SPAG16: variants seen among roughly 807,000 people sequenced by gnomAD.
The protein encoded by SPAG16 is sperm-associated antigen 16 protein.
A neutral mutation model predicts 80.4 loss-of-function variants in SPAG16; 86 were observed. The ratio of observed to expected loss-of-function variants is 1.07; its 90% CI spans 0.90 to 1.28. The LOEUF is 1.28. Among genes scored for constraint, SPAG16 ranks in the 50% most tolerant of loss-of-function variants. SPAG16 has a pLI of 0.00. For missense variants in SPAG16, 870 were observed against 765.3 expected, an observed-to-expected ratio of 1.14 and a Z score of -1.61; for synonymous variants, 294 against 265.9, an observed-to-expected ratio of 1.11 and a Z score of -1.03.
chr2:214,297,697 T>C (rs746506195), intron 15 of SPAG16, among the ~76,000 whole-genome samples: 3 of 152,094 alleles, frequency 2.0e-5, no homozygotes, highest in African/African-American at 4.8e-5. Context: ...TAGATCTGTG[T>C]ATTTTATTTT....
At chr2:214,169,431 C>T (rs1271564840) in intron 15 of SPAG16, among the ~76,000 whole-genome samples, 1 of 151,976 alleles carries the variant, frequency 6.6e-6, no homozygotes, top group East Asian at 1.9e-4. Flanking sequence ...CCGGTCAGTA[C>T]TTTGCATTTT....
chr2:214,340,313 C>T (rs1576823656), intron 15 of SPAG16, among the ~76,000 whole-genome samples: 2 of 152,232 alleles, frequency 1.3e-5, no homozygotes, highest in East Asian at 3.9e-4. Context: ...TTTAACATAC[C>T]CTTTCACCTG....
intron 15 of SPAG16, among the ~76,000 whole-genome samples, chr2:214,386,511 A>AGAT (rs201913688): frequency 0.012 from 1,758 of 152,358 alleles, 19 homozygotes; most frequent in Non-Finnish European, 0.016. Context: ...TTTATCAAAT[A>AGAT]GATAAATGTT....
chr2:214,351,970 T>G (rs1698444615), intron 15 of SPAG16, among the ~76,000 whole-genome samples: 1 of 152,118 alleles, frequency 6.6e-6, no homozygotes, highest in African/African-American at 2.4e-5. Flanking sequence ...GGCTGGGAAG[T>G]CCAAGATCAA....
chr2:213,648,761 TCCTCCA>T, intron 10 of SPAG16, among the ~76,000 whole-genome samples: 1 of 152,164 alleles, frequency 6.6e-6, no homozygotes, highest in Admixed American at 6.5e-5. Context: ...TATCATATCC[TCCTCCA>T]TCAACTCAAA....
intron 10 of SPAG16, among the ~76,000 whole-genome samples, chr2:213,712,511 A>G (rs554298323): frequency 6.6e-5 from 10 of 152,316 alleles, no homozygotes; most frequent in African/African-American, 1.9e-4. Flanking sequence ...GTAAAAGATG[A>G]CAAGAGAAAT....
intron 15 of SPAG16, among the ~76,000 whole-genome samples, chr2:214,221,080 C>T (rs567968258): frequency 1.3e-4 from 20 of 152,248 alleles, no homozygotes; most frequent in Admixed American, 2.6e-4. Flanking sequence ...GCTAAAATAA[C>T]ATCTGCATTT....
At chr2:214,275,936 T>C (rs545926728) in intron 15 of SPAG16, among the ~76,000 whole-genome samples, 107 of 152,280 alleles carry the variant, frequency 7.0e-4, no homozygotes, top group Admixed American at 1.2e-3. Flanking sequence ...CTAAGTCTCT[T>C]TGTGGGTCTC....
At chr2:213,746,314 C>G (rs2067819313) in intron 10 of SPAG16, among the ~76,000 whole-genome samples, 1 of 152,172 alleles carries the variant, frequency 6.6e-6, no homozygotes, top group Non-Finnish European at 1.5e-5. Context: ...CTATGTTAAT[C>G]CAGTCTTATG....
chr2:213,627,783 A>G (rs2062011537), intron 10 of SPAG16, among the ~76,000 whole-genome samples: 1 of 152,210 alleles, frequency 6.6e-6, no homozygotes, highest in South Asian at 2.1e-4. Context: ...GGGTATTCAT[A>G]TTTTAAATAA....
chr2:213,573,182 A>G (rs1354238909), intron 10 of SPAG16, among the ~76,000 whole-genome samples: 1 of 152,000 alleles, frequency 6.6e-6, no homozygotes, highest in Non-Finnish European at 1.5e-5. Flanking sequence ...ATGGAAATGC[A>G]GAAATCACCG....
At chr2:213,361,981 G>T (rs944197761) in intron 7 of SPAG16, among the ~76,000 whole-genome samples, 4 of 152,110 alleles carry the variant, frequency 2.6e-5, no homozygotes, top group African/African-American at 7.2e-5. Context: ...GCCAGGGTGA[G>T]AATTCTCATA....
At position 213,742,880 on chromosome 2, in the gene SPAG16, A is replaced by G. The variant is rs143876862; in HGVS notation, c.1071-119605A>G. Among the ~76,000 whole-genome samples the G allele has an allele frequency of 4.6e-3, 691 of 150,202 alleles. 6 individuals are homozygous for G. The highest frequency in any genetic ancestry group is 0.016 in the African/African-American group (645 of 40,678). On this transcript the variant is annotated intron_variant, in intron 10 of 15. Transcript: ENST00000331683. The stretch of plus-strand genomic sequence containing the variant: ...GCTCGGCTGCTTATTTCTTAATTCT[A>G]CAAATTTGCCAGTATTTAACATGCC...
intron 15 of SPAG16, among the ~76,000 whole-genome samples, chr2:214,175,459 G>A (rs1024287490): frequency 6.6e-6 from 1 of 150,978 alleles, no homozygotes; most frequent in Non-Finnish European, 1.5e-5. Flanking sequence ...GCCACTTTCT[G>A]TCCAGGTGTT....
chr2:213,949,274 G>A (rs13384542), intron 12 of SPAG16, among the ~76,000 whole-genome samples: 1 of 144,208 alleles, frequency 6.9e-6, no homozygotes, highest in African/African-American at 2.6e-5. Flanking sequence ...AGGTTCAAGC[G>A]ATTCTCGTGC....
intron 15 of SPAG16, among the ~76,000 whole-genome samples, chr2:214,315,720 T>TG (rs1316966724): frequency 6.6e-6 from 1 of 151,890 alleles, no homozygotes; most frequent in African/African-American, 2.4e-5. Context: ...TTTGTAGAGT[T>TG]GGGGTCTCAC....
chr2:213,655,947 A>G (rs973576883), intron 10 of SPAG16, among the ~76,000 whole-genome samples: 3 of 152,216 alleles, frequency 2.0e-5, no homozygotes, highest in Admixed American at 6.5e-5. Context: ...GGAATTTCCT[A>G]GTCATTTCCA....
chr2:214,220,202 C>T (rs1304026518), intron 15 of SPAG16, among the ~76,000 whole-genome samples: 10 of 152,058 alleles, frequency 6.6e-5, no homozygotes, highest in Non-Finnish European at 1.5e-5. Context: ...AATGTTAACA[C>T]ATTTTTAGAA....
chr2:213,697,463 C>A (rs895490764), intron 10 of SPAG16, among the ~76,000 whole-genome samples: 2 of 152,108 alleles, frequency 1.3e-5, no homozygotes, highest in Non-Finnish European at 2.9e-5. Context: ...TCTCTGGAAT[C>A]TATGAATGTT....
Sources: allele counts gnomAD v4.1 joint callset (sites outside exome capture counted in the v4.1 genomes callset), GRCh38; gene constraint gnomAD v4.1.1; transcripts MANE v1.5; gene names NCBI Gene and HGNC (gene_info 2026-07-23, HGNC 2026-07-21).